Variants in ARHGAP10 observed in about 807,000 individuals in gnomAD.
ARHGAP10 encodes rho GTPase-activating protein 10.
Under a neutral mutation model 108.6 loss-of-function variants are expected in ARHGAP10, and 87 were observed. That is an observed-to-expected ratio of 0.80 (90% confidence interval 0.67 to 0.96). ARHGAP10 has a LOEUF of 0.96. ARHGAP10 is among the 40% of genes least tolerant of loss of function. The pLI is 0.00. For missense variants in ARHGAP10, 939 were observed against 954.5 expected (o/e 0.98, Z 0.21); for synonymous variants, 347 against 341.1 (o/e 1.02, Z -0.19).
rs866182314 is a variant in ARHGAP10 at position 147,877,645 on chromosome 4, T to C, written c.833-1587T>C. On this transcript the variant is annotated intron_variant, in intron 8 of 22. Transcript: ENST00000336498. ...CCTTTAATTTGTTATGGTTGGACTT[T>C]TATTGGCATGTGAAGTTCCAGATGC... Among the ~76,000 whole-genome samples the C allele has an allele frequency of 2.3e-4, 35 of 152,270 alleles. 1 individual carries two copies. Among genetic ancestry groups the C allele is most frequent in the Non-Finnish European group, 1.3e-4 (9 of 68,028 alleles).
At chr4:147,772,703 G>A (rs1002131433) in intron 1 of ARHGAP10, among the ~76,000 whole-genome samples, 1 of 152,232 alleles carries the variant, frequency 6.6e-6, no homozygotes, top group South Asian at 2.1e-4. Context: ...ACTTCTAGGG[G>A]AAAATATGTA....
intron 19 of ARHGAP10, among the ~76,000 whole-genome samples, chr4:148,043,680 GTATA>G (rs1417245905): frequency 9.3e-6 from 1 of 107,524 alleles, no homozygotes; most frequent in Non-Finnish European, 1.9e-5. Flanking sequence ...AGATATGTAA[GTATA>G]TAGGAAAAAT....
At chr4:147,816,507 A>G (rs1225087853) in intron 1 of ARHGAP10, among the ~76,000 whole-genome samples, 1 of 152,228 alleles carries the variant, frequency 6.6e-6, no homozygotes, top group Non-Finnish European at 1.5e-5. Context: ...CAGACACCCC[A>G]GGCAAGCTGG....
intron 1 of ARHGAP10, among the ~76,000 whole-genome samples, chr4:147,795,125 T>G (rs1257748808): frequency 6.6e-6 from 1 of 152,198 alleles, no homozygotes. Flanking sequence ...CTGTGTCACC[T>G]ACGCTGGAGT....
intron 10 of ARHGAP10, among the ~76,000 whole-genome samples, chr4:147,884,830 G>A (rs1170585052): frequency 3.9e-5 from 6 of 152,188 alleles, no homozygotes; most frequent in South Asian, 2.1e-4. Flanking sequence ...ATGGGGCAAC[G>A]GCCTGAACTT....
intron 22 of ARHGAP10, among the ~76,000 whole-genome samples, chr4:148,070,464 G>A (rs1337552897): frequency 6.6e-6 from 1 of 152,192 alleles, no homozygotes; most frequent in Non-Finnish European, 1.5e-5. Context: ...AGAACAAACA[G>A]TTACCTTGTT....
chr4:147,939,897 T>C lies in ARHGAP10; in HGVS notation c.1301T>C (p.Met434Thr). ...SKVQRLLSML[M>T]DVKTCNEVDL... ...GTCCAGAGACTTCTGAGTATGTTGA[T>C]GGGTATGCCTCTTTTCTAATCATTT... The change falls in exon 14 of 23, where the codon ATG becomes ACG. Residue 434 changes from methionine to threonine, a missense_variant and splice_region_variant. Physicochemically the swap from Met to Thr is moderately conservative, Grantham distance 81. Transcript: ENST00000336498. The C allele has an allele frequency of 1.9e-6, 3 of 1,612,680 alleles. No individual in the cohort carries two copies. The highest frequency in any genetic ancestry group is 2.5e-6 in the Non-Finnish European group (3 of 1,178,762).
chr4:147,876,965 G>A (rs1267375967), intron 8 of ARHGAP10, among the ~76,000 whole-genome samples: 1 of 152,230 alleles, frequency 6.6e-6, no homozygotes, highest in African/African-American at 2.4e-5. Context: ...TCTGAACCTG[G>A]AGTCTGTGTT....
intron 4 of ARHGAP10, among the ~76,000 whole-genome samples, chr4:147,849,961 G>A (rs894279046): frequency 3.3e-5 from 5 of 152,166 alleles, no homozygotes; most frequent in African/African-American, 9.7e-5. Flanking sequence ...CTTCTGGGTC[G>A]GGTGGGGACT....
chr4:147,756,490 G>T (rs183413222), intron 1 of ARHGAP10, among the ~76,000 whole-genome samples: 1 of 152,154 alleles, frequency 6.6e-6, no homozygotes, highest in Admixed American at 6.5e-5. Context: ...CCCCTTATCC[G>T]TGGTTTCAGT....
intron 3 of ARHGAP10, 88 bp from the exon 4 acceptor site, chr4:147,847,063 G>A: frequency 1.9e-6 from 2 of 1,039,728 alleles, no homozygotes; most frequent in Middle Eastern, 2.4e-4. Flanking sequence ...TTCTTTCTGG[G>A]TGGGATGGAA....
chr4:147,931,400 A>G (rs1373352968), intron 13 of ARHGAP10, among the ~76,000 whole-genome samples: 5 of 152,152 alleles, frequency 3.3e-5, no homozygotes, highest in African/African-American at 9.7e-5. Context: ...TATCAATATC[A>G]TCACTGAGCA....
At chr4:147,878,311 G>A (rs192514534) in intron 8 of ARHGAP10, among the ~76,000 whole-genome samples, 1 of 152,258 alleles carries the variant, frequency 6.6e-6, no homozygotes, top group East Asian at 1.9e-4. Context: ...TGGCCAGGAT[G>A]GTCTCCATCT....
intron 1 of ARHGAP10, among the ~76,000 whole-genome samples, chr4:147,757,707 C>T (rs777268798): frequency 6.6e-6 from 1 of 152,260 alleles, no homozygotes; most frequent in Non-Finnish European, 1.5e-5. Flanking sequence ...CACGACTGCA[C>T]ACCTGGGTAC....
intron 1 of ARHGAP10, among the ~76,000 whole-genome samples, chr4:147,743,862 T>A (rs750720786): frequency 1.1e-4 from 16 of 152,228 alleles, no homozygotes; most frequent in Admixed American, 2.0e-4. Flanking sequence ...ATTTTTAAAG[T>A]ACTTAAAAAA....
rs1731448553 is a variant in ARHGAP10, at chr4:147,798,775, CTCTCTCTATA to C, written c.155-23950_155-23941del. Reference sequence around the variant, plus strand: ...TCTCTCTCTCTCTCTCTCTCTCTCTCTCTCTCTATATATATATATATATATATATATATAT... The same window carrying C: ...TCTCTCTCTCTCTCTCTCTCTCTCTCTATATATATATATATATATATATAT... On this transcript the variant is annotated intron_variant, in intron 1 of 22. Coordinates refer to ENST00000336498, the MANE Select transcript of ARHGAP10 (RefSeq NM_024605.4). Among the ~76,000 whole-genome samples, 8 of 4,348 alleles carry C rather than the reference CTCTCTCTATA, an allele frequency of 1.8e-3. 1 individual carries two copies. Among genetic ancestry groups the C allele is most frequent in the Admixed American group, 5.8e-3 (1 of 172 alleles). 2.9% of individuals were successfully genotyped at this position (4,348 alleles called of 152,430 possible).
At chr4:148,022,160 A>G (rs1316806333) in intron 18 of ARHGAP10, among the ~76,000 whole-genome samples, 1 of 152,214 alleles carries the variant, frequency 6.6e-6, no homozygotes. Context: ...TTGTTTTTAA[A>G]TTATACATGT....
chr4:147,988,997 C>A (rs1181565739), intron 18 of ARHGAP10, among the ~76,000 whole-genome samples: 1 of 152,178 alleles, frequency 6.6e-6, no homozygotes, highest in Non-Finnish European at 1.5e-5. Context: ...TTATCGGGGA[C>A]CTGCCCCGAT....
At position 147,980,449 on chromosome 4, in the gene ARHGAP10, T is replaced by C. The variant is rs377712275; in HGVS notation, c.1716+13610T>C. On this transcript the variant is annotated intron_variant, in intron 18 of 22. Transcript: ENST00000336498. ...CTGGATTTGGTTTACTAGTATTTTGTTGAGGATTTTTGCATCTGTGTTCAT... is the reference window on the plus strand; with the variant it reads ...CTGGATTTGGTTTACTAGTATTTTGCTGAGGATTTTTGCATCTGTGTTCAT... Among the ~76,000 whole-genome samples, 32 of 152,324 alleles carry C rather than the reference T, an allele frequency of 2.1e-4. No homozygotes were observed. The East Asian group carries it at 5.8e-3, about 28-fold the overall frequency.
Sources: allele counts gnomAD v4.1 joint callset (sites outside exome capture counted in the v4.1 genomes callset), GRCh38; gene constraint gnomAD v4.1.1; transcripts MANE v1.5; gene names NCBI Gene and HGNC (gene_info 2026-07-23, HGNC 2026-07-21).